SH3BP5: variants seen among roughly 807,000 people sequenced by gnomAD.
SH3BP5 encodes SH3 domain-binding protein 5.
Under a neutral mutation model 43.3 loss-of-function variants are expected in SH3BP5, and 22 were observed. The observed-to-expected ratio is 0.51, with a 90% CI of 0.36 to 0.73. SH3BP5 has a LOEUF of 0.73. Ranked by LOEUF, SH3BP5 falls within the 30% of genes least tolerant of loss-of-function variation. SH3BP5 has a pLI of 0.00. For synonymous variants in SH3BP5, 255 were observed against 225.8 expected, an observed-to-expected ratio of 1.13 and a Z score of -1.16; for missense variants, 529 against 586.9, an observed-to-expected ratio of 0.90 and a Z score of 1.02.
chr3:15,259,682 G>GGC (rs761321003), intron 6 of SH3BP5, 79 bp downstream of exon 6: 91 of 1,318,192 alleles, frequency 6.9e-5, no homozygotes, highest in Non-Finnish European at 8.9e-5. Context: ...TGGCCCATGT[G>GGC]ATACTCTGCT....
rs1169868526 is a variant in SH3BP5, at chr3:15,257,077, T to G, written c.926A>C (p.Asn309Thr). ...SEAFEDDSCS[N>T]FVSEDDSETQ... is the part of the protein sequence containing the mutation. ...TTCCGAGTCATCTTCAGACACAAAG[T>G]TGCTACAGCTGTCATCTTCAAAGGC... The change falls in exon 8 of 9, where the codon AAC (asparagine) becomes ACC (threonine). Residue 309 changes from asparagine to threonine, a missense_variant. This residue lies in a region of SH3BP5 where 369 missense variants were observed against 384.3 expected (regional missense o/e 0.96). Transcript: ENST00000383791. The G allele has an allele frequency of 3.1e-6, 5 of 1,614,052 alleles. No individual in the cohort carries two copies. Among genetic ancestry groups the G allele is most frequent in the Non-Finnish European group, 4.2e-6 (5 of 1,180,036 alleles).
rs554509641 is a variant in SH3BP5 at position 15,265,958 on chromosome 3, C to T, written c.496-3669G>A. On this transcript the variant is annotated intron_variant, in intron 4 of 8. Transcript: ENST00000383791. ...TTCAATCTGGCTTGGCCAGCCTCTT[C>T]GCGGGGTCCCACACCAGCAGAATGG... 3.3e-4 allele frequency among the ~76,000 whole-genome samples: 51 copies of T among 152,310 alleles called. No homozygotes were observed. In the South Asian group the frequency reaches 9.8e-3, roughly 29 times the overall value.
At chr3:15,314,940 G>A (rs1698149493) in intron 2 of SH3BP5, among the ~76,000 whole-genome samples, 1 of 152,064 alleles carries the variant, frequency 6.6e-6, no homozygotes, top group Non-Finnish European at 1.5e-5. Context: ...TCCAATACAA[G>A]ACTCCCTCTC....
chr3:15,267,005 T>C (rs1696664790), intron 4 of SH3BP5, among the ~76,000 whole-genome samples: 1 of 152,216 alleles, frequency 6.6e-6, no homozygotes, highest in African/African-American at 2.4e-5. Flanking sequence ...GGAATTTTCT[T>C]TTATTAGACC....
rs1480989439 is a variant in SH3BP5, at chr3:15,255,883, C to G, written c.*203G>C. On this transcript the variant is annotated 3_prime_UTR_variant, in exon 9 of 9. Transcript: ENST00000383791. ...TGTGAACCTAGTCACAGTCTACCCA[C>G]AACAAGAACTCTGCTCTGAAAAACC... 1.9e-5 allele frequency: 11 copies of G among 576,916 alleles called. No individual in the cohort carries two copies. The highest frequency in any genetic ancestry group is 3.4e-5 in the Non-Finnish European group (11 of 324,380). The allele number at this position is 576,916 out of a possible 1,614,324, so 35.7% of individuals were successfully genotyped here. A position where few individuals can be genotyped will look rare whatever the true frequency, so the allele number is the denominator to read the frequency against.
chr3:15,335,057 G>A (rs965296719), upstream of SH3BP5, among the ~76,000 whole-genome samples: 3 of 152,090 alleles, frequency 2.0e-5, no homozygotes, highest in Admixed American at 6.5e-5. Flanking sequence ...AGAGACGATC[G>A]CTTGAGGCCA....
chr3:15,300,710 G>A (rs754652017), intron 3 of SH3BP5, among the ~76,000 whole-genome samples: 6 of 152,002 alleles, frequency 3.9e-5, no homozygotes, highest in Admixed American at 1.3e-4. Context: ...CAGTTCCTTC[G>A]CTATTGACCA....
chr3:15,298,536 A>T (rs1275257035), intron 3 of SH3BP5, among the ~76,000 whole-genome samples: 1 of 152,196 alleles, frequency 6.6e-6, no homozygotes, highest in Admixed American at 6.5e-5. Flanking sequence ...CTCTCTTCTG[A>T]CGCATTCCAA....
chr3:15,299,480 TAG>T (rs1559446848), intron 3 of SH3BP5, among the ~76,000 whole-genome samples: 4 of 136,902 alleles, frequency 2.9e-5, no homozygotes, highest in Non-Finnish European at 6.2e-5. Context: ...GCTCAACAAT[TAG>T]ATTTTTTTTT....
At chr3:15,306,151 T>C (rs1200782405) in intron 2 of SH3BP5, among the ~76,000 whole-genome samples, 1 of 151,146 alleles carries the variant, frequency 6.6e-6, no homozygotes, top group Non-Finnish European at 1.5e-5. Flanking sequence ...GGTCAGGAGA[T>C]CGAGACCATC....
Position 15,291,903 on chromosome 3 carries a change from G to C in SH3BP5, c.330+12200C>G, listed in dbSNP as rs1455512293. Among the ~76,000 whole-genome samples the C allele has an allele frequency of 2.0e-5, 3 of 152,292 alleles. No individual in the cohort carries two copies. In the South Asian group the frequency reaches 6.2e-4, roughly 32 times the overall value. ...TTTCATAGAAGTCACAACTGGAAGG[G>C]CTGGGGAAGAAGTAGAAAAGAAAGG... On this transcript the variant is annotated intron_variant, in intron 3 of 8. Coordinates refer to ENST00000383791, the MANE Select transcript of SH3BP5 (RefSeq NM_004844.5).
intron 4 of SH3BP5, 76 bp from the exon 5 acceptor site, chr3:15,262,365 C>CA (rs1575281129): frequency 6.6e-7 from 1 of 1,508,200 alleles, no homozygotes; most frequent in Admixed American, 2.1e-5. Context: ...TATTATTTTT[C>CA]AAAAAATATT....
intron 4 of SH3BP5, among the ~76,000 whole-genome samples, chr3:15,263,999 T>C (rs1696545492): frequency 6.6e-6 from 1 of 152,216 alleles, no homozygotes; most frequent in Admixed American, 6.5e-5. Flanking sequence ...GGTACCACCA[T>C]GTCTTTAGTT....
chr3:15,278,198 C>T (rs912430343), intron 3 of SH3BP5, among the ~76,000 whole-genome samples: 4 of 152,226 alleles, frequency 2.6e-5, no homozygotes, highest in Admixed American at 2.6e-4. Context: ...ATGTCACAGG[C>T]ACTGCTGGAA....
intron 2 of SH3BP5, among the ~76,000 whole-genome samples, chr3:15,317,642 T>C (rs1255190097): frequency 1.3e-5 from 2 of 152,248 alleles, no homozygotes; most frequent in Non-Finnish European, 2.9e-5. Flanking sequence ...TTTAAGTCTA[T>C]TACAGCATAG....
intron 3 of SH3BP5, among the ~76,000 whole-genome samples, chr3:15,299,432 C>T (rs147438221): frequency 1.7e-4 from 26 of 149,726 alleles, no homozygotes; most frequent in East Asian, 9.8e-4. Context: ...AAAATAAAAT[C>T]GATGCAAATT....
intron 3 of SH3BP5, among the ~76,000 whole-genome samples, chr3:15,297,849 C>T (rs1485978845): frequency 1.3e-5 from 2 of 152,116 alleles, no homozygotes; most frequent in Non-Finnish European, 2.9e-5. Context: ...GAGAGATCAG[C>T]TCTAAGCCTG....
At chr3:15,258,661 C>T (rs997798310) in intron 7 of SH3BP5, 170 bp downstream of exon 7, 1 of 606,358 alleles carries the variant, frequency 1.6e-6, no homozygotes, top group Non-Finnish European at 2.9e-6. Context: ...ACACTTAGTA[C>T]CTTCTTAATG....
At chr3:15,300,639 CCACCCTCCA>C (rs1697712917) in intron 3 of SH3BP5, among the ~76,000 whole-genome samples, 1 of 151,678 alleles carries the variant, frequency 6.6e-6, no homozygotes. Flanking sequence ...CCTGAGCAGC[CCACCCTCCA>C]CAGAGATGAA....
Sources: gnomAD v4.1 joint callset for allele counts (sites outside exome capture counted in the v4.1 genomes callset) on GRCh38, gnomAD v4.1.1 for gene constraint, gnomAD v4.1.1 regional missense constraint, MANE v1.5 for transcripts, NCBI Gene and HGNC (gene_info 2026-07-23, HGNC 2026-07-21) for gene names.